The following DMD variants were observed in gnomAD, a reference collection of about 807,000 sequenced individuals.
DMD encodes the protein dystrophin.
In DMD, 63 loss-of-function variants were observed where a neutral mutation model predicts 330.1. That is an observed-to-expected ratio of 0.19 (90% confidence interval 0.16 to 0.24). The LOEUF (loss-of-function observed/expected upper bound fraction) is 0.24. Ranked by LOEUF, DMD falls within the 10% of genes least tolerant of loss-of-function variation. The pLI is 1.00. For synonymous variants in DMD, 1,223 were observed against 959.8 expected (o/e 1.27, Z -5.07); for missense variants, 3,344 against 2,684.1 (o/e 1.25, Z -5.43).
rs143724573 is a variant in DMD at position 31,299,338 on chromosome X, C to T, written c.9224+24260G>A. On this transcript the variant is annotated intron_variant, in intron 62 of 78. Transcript: ENST00000357033. ...TGACTTAAAAGGAATTGAAAACTCT[C>T]TCTTTTAAATTTGAAGGTAAAAAAA... 6.5e-4 allele frequency among the ~76,000 whole-genome samples: 72 copies of T among 111,332 alleles called. No homozygotes were observed. The East Asian group carries it at 0.015, about 23-fold the overall frequency.
intron 51 of DMD, among the ~76,000 whole-genome samples, chrX:31,736,138 G>T (rs1364659067): frequency 8.9e-6 from 1 of 111,886 alleles, no homozygotes; most frequent in Non-Finnish European, 1.9e-5. Flanking sequence ...GTTAATCGTT[G>T]ATGGGAAGAA....
chrX:31,412,860 C>T (rs1318847992), intron 60 of DMD, among the ~76,000 whole-genome samples: 4 of 112,083 alleles, frequency 3.6e-5, no homozygotes, highest in African/African-American at 1.3e-4. Flanking sequence ...ATTTTCCTTA[C>T]TCAGAGTAAG....
chrX:32,190,644 T>A (rs1037519545), intron 44 of DMD, among the ~76,000 whole-genome samples: 1 of 102,768 alleles, frequency 9.7e-6, no homozygotes, highest in African/African-American at 3.6e-5. Flanking sequence ...CTTTAAGAGA[T>A]ATTTTCTATC....
intron 29 of DMD, among the ~76,000 whole-genome samples, chrX:32,436,307 C>A (rs778224375): frequency 9.0e-6 from 1 of 111,726 alleles, no homozygotes; most frequent in Non-Finnish European, 1.9e-5. Flanking sequence ...TTGTGTTAAA[C>A]CATCTCTGTT....
chrX:31,600,935 A>G (rs2077334743), intron 55 of DMD, among the ~76,000 whole-genome samples: 1 of 108,889 alleles, frequency 9.2e-6, no homozygotes, highest in South Asian at 4.0e-4. Context: ...ATTTCCCTAC[A>G]CCCTGCCCAA....
intron 43 of DMD, among the ~76,000 whole-genome samples, chrX:32,279,936 C>T (rs909509783): frequency 1.1e-5 from 1 of 89,821 alleles, no homozygotes; most frequent in Non-Finnish European, 2.3e-5. Flanking sequence ...TATATGTACC[C>T]CACATATATA....
chrX:32,878,139 G>A (rs1360277343), intron 2 of DMD, among the ~76,000 whole-genome samples: 1 of 112,092 alleles, frequency 8.9e-6, no homozygotes, highest in Non-Finnish European at 1.9e-5. Context: ...ACTTTGGGAG[G>A]CCGAGGAGGG....
chrX:32,463,165 T>A (rs1442240670), intron 25 of DMD, among the ~76,000 whole-genome samples: 1 of 111,805 alleles, frequency 8.9e-6, no homozygotes, highest in East Asian at 2.8e-4. Flanking sequence ...GGATTGGAAA[T>A]AATGACTAAG....
intron 45 of DMD, among the ~76,000 whole-genome samples, chrX:31,933,949 A>T (rs2094890654): frequency 1.1e-5 from 1 of 92,826 alleles, no homozygotes; most frequent in Admixed American, 1.1e-4. Context: ...AGTTTTTTGA[A>T]TGATTAGCTA....
chrX:32,638,317 A>G (rs748457132), intron 11 of DMD, among the ~76,000 whole-genome samples: 1 of 111,983 alleles, frequency 8.9e-6, no homozygotes, highest in African/African-American at 3.2e-5. Flanking sequence ...AAAGTAATTA[A>G]AATATTTGGC....
At chrX:31,675,845 A>G (rs754474170) in intron 53 of DMD, among the ~76,000 whole-genome samples, 1 of 112,829 alleles carries the variant, frequency 8.9e-6, no homozygotes, top group Non-Finnish European at 1.9e-5. Flanking sequence ...AATTTAATTT[A>G]CATTATGTAG....
chrX:32,255,417 A>G (rs1200185454), intron 43 of DMD, among the ~76,000 whole-genome samples: 1 of 89,453 alleles, frequency 1.1e-5, no homozygotes, highest in Non-Finnish European at 2.1e-5. Context: ...TCATTTACAT[A>G]TTGTCTATGG....
chrX:31,700,227 G>T (rs1456639682), intron 52 of DMD, among the ~76,000 whole-genome samples: 1 of 111,229 alleles, frequency 9.0e-6, no homozygotes, highest in Non-Finnish European at 1.9e-5. Flanking sequence ...ACAAAGCAGT[G>T]TATTATTTAA....
chrX:32,246,788 T>A (rs933131163), intron 43 of DMD, among the ~76,000 whole-genome samples: 21 of 110,668 alleles, frequency 1.9e-4, no homozygotes, highest in Non-Finnish European at 3.6e-4. Flanking sequence ...TAGTTTGTAT[T>A]TCTGTGGGAT....
chrX:32,958,446 A>G (rs1380416759), intron 2 of DMD, among the ~76,000 whole-genome samples: 2 of 111,109 alleles, frequency 1.8e-5, no homozygotes, highest in African/African-American at 6.5e-5. Context: ...TGTAACTCGG[A>G]TGTTGATTTC....
intron 55 of DMD, among the ~76,000 whole-genome samples, chrX:31,587,202 T>C (rs1349080911): frequency 9.0e-6 from 1 of 110,869 alleles, no homozygotes; most frequent in African/African-American, 3.4e-5. Context: ...AAAAAATCAG[T>C]TGTTCGAAGG....
rs1268170290 is a variant in DMD at position 32,783,147 on chromosome X, A to G, written c.649+26346T>C. Among the ~76,000 whole-genome samples, 5 of 101,402 alleles carry G rather than the reference A, an allele frequency of 4.9e-5. No homozygotes were observed. In the East Asian group the frequency reaches 1.6e-3, roughly 32 times the overall value. 88.1% of individuals were successfully genotyped at this position (101,402 alleles called of 115,157 possible). On this transcript the variant is annotated intron_variant, in intron 7 of 78. Coordinates refer to ENST00000357033, the MANE Select transcript of DMD (RefSeq NM_004006.3). The stretch of plus-strand genomic sequence containing the variant: ...TATATACATATATGTATATATATAT[A>G]CCATATATATAGATATATGGCATAT...
intron 54 of DMD, among the ~76,000 whole-genome samples, chrX:31,649,735 G>C (rs1048451121): frequency 6.3e-5 from 7 of 110,473 alleles, no homozygotes; most frequent in African/African-American, 2.3e-4. Flanking sequence ...GGATTGTCTT[G>C]TAACTATACA....
At chrX:31,850,471 G>C (rs753993555) in intron 48 of DMD, among the ~76,000 whole-genome samples, 3 of 111,813 alleles carry the variant, frequency 2.7e-5, no homozygotes, top group Non-Finnish European at 3.8e-5. Flanking sequence ...TTGACTTTGG[G>C]CTTGACTGTG....
Sources: gnomAD v4.1 joint callset for allele counts (sites outside exome capture counted in the v4.1 genomes callset) on GRCh38, gnomAD v4.1.1 for gene constraint, MANE v1.5 for transcripts, NCBI Gene and HGNC (gene_info 2026-07-23, HGNC 2026-07-21) for gene names.